Variants in RNPEPL1 observed in about 807,000 individuals in gnomAD.
RNPEPL1 encodes the protein aminopeptidase RNPEPL1.
RNPEPL1 carries 46 observed loss-of-function variants against 69.0 expected under a neutral mutation model. The observed-to-expected ratio is 0.67, with a 90% CI of 0.53 to 0.85. The LOEUF is 0.85. Among genes scored for constraint, RNPEPL1 ranks in the 40% least tolerant of loss-of-function variants. RNPEPL1 has a pLI of 0.00. For synonymous variants in RNPEPL1, 525 were observed against 454.1 expected (o/e 1.16, Z -1.98); for missense variants, 869 against 992.5 (o/e 0.88, Z 1.67).
At position 240,581,106 on chromosome 2, in the gene RNPEPL1, T is replaced by G. The variant is rs1419506708; in HGVS notation, c.*3214T>G. 3 of 152,142 alleles carry G rather than the reference T, an allele frequency of 2.0e-5. No homozygotes were observed. Among genetic ancestry groups the G allele is most frequent in the African/African-American group, 7.2e-5 (3 of 41,394 alleles). 9.4% of individuals were successfully genotyped at this position (152,142 alleles called of 1,614,324 possible). A position where few individuals can be genotyped will look rare whatever the true frequency, so the allele number is the denominator to read the frequency against. On this transcript the variant is annotated 3_prime_UTR_variant, in exon 11 of 11. Coordinates refer to ENST00000270357, the MANE Select transcript of RNPEPL1 (RefSeq NM_018226.6). ...TGTAAAGGTAAGGCACAACTGAGAA[T>G]CACCTGCCCAGGGCAGCAACACAGT...
Position 240,573,267 on chromosome 2 carries a change from G to T in RNPEPL1, c.821+6G>T. 4 of 1,555,736 alleles carry T rather than the reference G, an allele frequency of 2.6e-6. No individual in the cohort carries two copies. The highest frequency in any genetic ancestry group is 4.8e-5 in the East Asian group (2 of 41,696). On this transcript the variant is annotated splice_donor_region_variant and intron_variant, in intron 3 of 10. Transcript: ENST00000270357. ...CCGGCAGACATCGGGCCCAGGTAGGGCCTCCTGCTGGGGCCTTCTGGGGCT... is the reference window on the plus strand; with the variant it reads ...CCGGCAGACATCGGGCCCAGGTAGGTCCTCCTGCTGGGGCCTTCTGGGGCT...
chr2:240,574,713 TG>T, intron 6 of RNPEPL1, 85 bp downstream of exon 6: 1 of 1,192,358 alleles, frequency 8.4e-7, no homozygotes. Context: ...GTTCTGGCTG[TG>T]GCTTCTCTGT....
intron 10 of RNPEPL1, 47 bp downstream of exon 10, chr2:240,577,037 C>A (rs76077520): frequency 6.2e-7 from 1 of 1,605,756 alleles, no homozygotes; most frequent in Non-Finnish European, 8.5e-7. Context: ...CCTAGCCGTG[C>A]GGACTGGGAG....
intron 1 of RNPEPL1, among the ~76,000 whole-genome samples, chr2:240,569,782 G>A (rs1032717337): frequency 6.6e-6 from 1 of 152,246 alleles, no homozygotes; most frequent in Non-Finnish European, 1.5e-5. Flanking sequence ...TGCATCCCTA[G>A]GTGGTATGGA....
At chr2:240,577,127 C>G (rs576812243) in intron 10 of RNPEPL1, 137 bp downstream of exon 10, 3 of 1,115,998 alleles carry the variant, frequency 2.7e-6, no homozygotes, top group Non-Finnish European at 3.8e-6. Flanking sequence ...ACGTAGGGGT[C>G]TGTTGGGAGT....
rs1357363440 is a variant in RNPEPL1 at position 240,573,907 on chromosome 2, C to T, written c.938+16C>T. ...TGTGGGGCAGGTAGGCCCCGGGGAC[C>T]TGTGGACCTGGCTGGCTGGAAGGAG... is the stretch of plus-strand genomic sequence containing the variant. On this transcript the variant is annotated intron_variant, in intron 4 of 10. Coordinates refer to ENST00000270357, the MANE Select transcript of RNPEPL1 (RefSeq NM_018226.6). 4 of 1,574,290 alleles carry T rather than the reference C, an allele frequency of 2.5e-6. No individual in the cohort carries two copies. Among genetic ancestry groups the T allele is most frequent in the South Asian group, 1.2e-5 (1 of 86,344 alleles).
At chr2:240,573,026 TGGGGCTGCCTGACAGGCTCCCCGGCC>T in intron 2 of RNPEPL1, 58 bp from the exon 3 acceptor site, 1 of 1,428,616 alleles carries the variant, frequency 7.0e-7, no homozygotes, top group Non-Finnish European at 9.3e-7. Flanking sequence ...GCTACGAATA[TGGGGCTGCCTGACAGGCTCCCCGGCC>T]GGGGCTATGG....
In RNPEPL1 at chr2:240,575,062, AC is replaced by A. The variant is rs1236793503; in HGVS notation, c.1323del (p.Tyr442ThrfsTer47). The A allele has an allele frequency of 6.2e-7, 1 of 1,613,810 alleles. No individual in the cohort carries two copies. The highest frequency in any genetic ancestry group is 8.5e-7 in the Non-Finnish European group (1 of 1,180,010). On this transcript the variant is annotated frameshift_variant, in exon 7 of 11. Transcript: ENST00000270357. LOFTEE classifies it high-confidence loss of function. ...TCCCAGCCACCTGATGAACCTGTTC[AC>A]CTACGAGAAGGGCTACTGCTTCGTG... ...VNPSHLMNLF[T>X]YEKGYCFVYY... is the part of the protein sequence containing the mutation.
At chr2:240,572,651 G>A in intron 2 of RNPEPL1, 88 bp downstream of exon 2, 1 of 1,476,526 alleles carries the variant, frequency 6.8e-7, no homozygotes, top group Non-Finnish European at 9.1e-7. Context: ...TACCTGCCTG[G>A]GCTGTGGCCC....
rs1213656165 is a variant in RNPEPL1, at chr2:240,578,756, T to A, written c.*864T>A. 6.5e-6 allele frequency: 1 copy of A among 152,836 alleles called. No individual in the cohort carries two copies. The highest frequency in any genetic ancestry group is 1.5e-5 in the Non-Finnish European group (1 of 68,412). The allele number at this position is 152,836 out of a possible 1,614,324, so 9.5% of individuals were successfully genotyped here. A position where few individuals can be genotyped will look rare whatever the true frequency, so the allele number is the denominator to read the frequency against. On this transcript the variant is annotated 3_prime_UTR_variant, in exon 11 of 11. Transcript: ENST00000270357. Reference sequence around the variant, plus strand: ...GATCTCCTGCGCTCTTTCTCGCGACTCTTGTCCTCTGCATCTTCCTGGCTG... The same window carrying A: ...GATCTCCTGCGCTCTTTCTCGCGACACTTGTCCTCTGCATCTTCCTGGCTG...
chr2:240,570,781 G>A lies in RNPEPL1; in HGVS notation c.529-1642G>A, dbSNP rs977533829. On this transcript the variant is annotated intron_variant, in intron 1 of 10. Transcript: ENST00000270357. Reference sequence around the variant, plus strand: ...CCAGCCCATCAGCACCTGTGCCCGGGTGCCCTGACGGGGATTGGTGCCCCA... The same window carrying A: ...CCAGCCCATCAGCACCTGTGCCCGGATGCCCTGACGGGGATTGGTGCCCCA... 2.0e-5 allele frequency among the ~76,000 whole-genome samples: 3 copies of A among 152,200 alleles called. No homozygotes were observed. In the South Asian group the frequency reaches 6.2e-4, roughly 31 times the overall value.
At position 240,579,667 on chromosome 2, in the gene RNPEPL1, C is replaced by T. The variant is rs999139074; in HGVS notation, c.*1775C>T. On this transcript the variant is annotated 3_prime_UTR_variant, in exon 11 of 11. Coordinates refer to ENST00000270357, the MANE Select transcript of RNPEPL1 (RefSeq NM_018226.6). ...CTGCCTGGGAGTGGACACCCCACTC[C>T]CCCAAGTCATGTTCTCTGTGGCCTG... The T allele has an allele frequency of 6.6e-6, 1 of 152,154 alleles. No homozygotes were observed. Among genetic ancestry groups the T allele is most frequent in the Non-Finnish European group, 1.5e-5 (1 of 68,054 alleles). 9.4% of individuals were successfully genotyped at this position (152,154 alleles called of 1,614,324 possible). A position where few individuals can be genotyped will look rare whatever the true frequency, so the allele number is the denominator to read the frequency against.
At chr2:240,574,443 G>A in intron 5 of RNPEPL1, 72 bp from the exon 6 acceptor site, 3 of 1,541,142 alleles carry the variant, frequency 1.9e-6, no homozygotes, top group Non-Finnish European at 2.7e-6. Context: ...TGCTGCAGGT[G>A]CCCACACCTC....
intron 7 of RNPEPL1, 75 bp downstream of exon 7, chr2:240,575,217 C>A: frequency 8.4e-7 from 1 of 1,190,316 alleles, no homozygotes. Flanking sequence ...GGGCTGCCTG[C>A]TCTTGCGGCA....
Position 240,568,956 on chromosome 2 carries a change from G to A in RNPEPL1, c.370G>A (p.Glu124Lys). The change falls in exon 1 of 11, where the codon GAG (glutamate) becomes AAG (lysine). Residue 124 changes from glutamate (E) to lysine (K), a missense_variant. Around this residue, in one of 2 missense-constraint regions of RNPEPL1, gnomAD observed 259 missense variants for 201.5 expected, o/e 1.29. Transcript: ENST00000270357. This position sits in a 1 kb window ranked among gnomAD's most constrained non-coding sequence, Gnocchi z 6.2. ...GCCGCCCCCGCTGCCCGCCTTCCCC[G>A]AGGCGCCCGGCTCCGAGCCCGCCTG... ...APPPPLPAFP[E>K]APGSEPACCP... 1 of 1,401,760 alleles carries A rather than the reference G, an allele frequency of 7.1e-7. No homozygotes were observed. The highest frequency in any genetic ancestry group is 9.3e-7 in the Non-Finnish European group (1 of 1,076,434). 86.8% of individuals were successfully genotyped at this position (1,401,760 alleles called of 1,614,324 possible).
chr2:240,573,020 C>A, intron 2 of RNPEPL1, 90 bp from the exon 3 acceptor site: 1 of 1,404,368 alleles, frequency 7.1e-7, no homozygotes, highest in Non-Finnish European at 9.5e-7. Flanking sequence ...TTTCCTGCTA[C>A]GAATATGGGG....
chr2:240,577,054 C>CCGACT, intron 10 of RNPEPL1, 64 bp downstream of exon 10: 1 of 1,586,732 alleles, frequency 6.3e-7, no homozygotes, highest in African/African-American at 1.3e-5. Flanking sequence ...GGAGTCCCAC[C>CCGACT]CGACTCCCTA....
Position 240,579,894 on chromosome 2 carries a change from G to A in RNPEPL1, c.*2002G>A, listed in dbSNP as rs761229615. 2.0e-5 allele frequency: 3 copies of A among 152,184 alleles called. No homozygotes were observed. Among genetic ancestry groups the A allele is most frequent in the Non-Finnish European group, 4.4e-5 (3 of 68,054 alleles). The allele number at this position is 152,184 out of a possible 1,614,324, so 9.4% of individuals were successfully genotyped here. A position where few individuals can be genotyped will look rare whatever the true frequency, so the allele number is the denominator to read the frequency against. ...CTCTCGAAATGACTCTGTGGTCTGC[G>A]GGTGACTCCACTCCACGTGCCTACA... On this transcript the variant is annotated 3_prime_UTR_variant, in exon 11 of 11. Transcript: ENST00000270357.
At position 240,580,848 on chromosome 2, in the gene RNPEPL1, TAC is replaced by T. The variant is rs1428270139; in HGVS notation, c.*2958_*2959del. 6.6e-6 allele frequency: 1 copy of T among 152,190 alleles called. No homozygotes were observed. The highest frequency in any genetic ancestry group is 1.5e-5 in the Non-Finnish European group (1 of 68,038). 9.4% of individuals were successfully genotyped at this position (152,190 alleles called of 1,614,324 possible). The stretch of plus-strand genomic sequence containing the variant: ...AGAAGCGTGATGAAAGACTGGTTTC[TAC>T]AGAGATAGATTAGAAAGCTGAAGCC... On this transcript the variant is annotated 3_prime_UTR_variant, in exon 11 of 11. Coordinates refer to ENST00000270357, the MANE Select transcript of RNPEPL1 (RefSeq NM_018226.6).
Sources: allele counts gnomAD v4.1 joint callset (sites outside exome capture counted in the v4.1 genomes callset), GRCh38; gene constraint gnomAD v4.1.1; regional missense constraint gnomAD v4.1.1; non-coding constraint Gnocchi (gnomAD v3.1); transcripts MANE v1.5; gene names NCBI Gene and HGNC (gene_info 2026-07-23, HGNC 2026-07-21).